The following IGSF21 variants were observed in gnomAD, a reference collection of about 807,000 sequenced individuals.
IGSF21 encodes immunoglobin superfamily member 21.
A neutral mutation model predicts 46.8 loss-of-function variants in IGSF21; 28 were observed. That is an observed-to-expected ratio of 0.60 (90% confidence interval 0.44 to 0.82). The LOEUF is 0.82. Ranked by LOEUF, IGSF21 falls within the 40% of genes least tolerant of loss-of-function variation. IGSF21 has a pLI of 0.00. For synonymous variants in IGSF21, 284 were observed against 273.6 expected (o/e 1.04, Z -0.38); for missense variants, 624 against 665.5 (o/e 0.94, Z 0.69).
chr1:18,360,399 C>G (rs1356981737), intron 4 of IGSF21, among the ~76,000 whole-genome samples: 2 of 152,192 alleles, frequency 1.3e-5, no homozygotes, highest in African/African-American at 4.8e-5. Flanking sequence ...TTTCATTTCA[C>G]TAGGCCTTGA....
At chr1:18,246,210 G>A (rs760771672) in intron 2 of IGSF21, among the ~76,000 whole-genome samples, 7 of 152,128 alleles carry the variant, frequency 4.6e-5, no homozygotes, top group Non-Finnish European at 1.5e-5. Flanking sequence ...GTCTGTGAAT[G>A]AGGCCCTCTT....
intron 1 of IGSF21, among the ~76,000 whole-genome samples, chr1:18,212,510 G>A (rs1285904421): frequency 6.6e-6 from 1 of 152,212 alleles, no homozygotes; most frequent in African/African-American, 2.4e-5. Context: ...TTTTTCCGAT[G>A]AGATAGATGA....
intron 8 of IGSF21, 45 bp downstream of exon 8, chr1:18,377,037 G>T (rs189132496): frequency 1.3e-6 from 2 of 1,544,076 alleles, no homozygotes. Context: ...CCACAGGGGC[G>T]GGTCCTGTCT....
At chr1:18,121,303 A>C (rs2086231600) in intron 1 of IGSF21, among the ~76,000 whole-genome samples, 1 of 152,192 alleles carries the variant, frequency 6.6e-6, no homozygotes, top group Non-Finnish European at 1.5e-5. Flanking sequence ...GCTGGAGCTC[A>C]GGGAGTAGCT....
chr1:18,279,411 G>C (rs1027498896), intron 2 of IGSF21, among the ~76,000 whole-genome samples: 13 of 152,228 alleles, frequency 8.5e-5, no homozygotes, highest in African/African-American at 3.1e-4. Flanking sequence ...AGGAAGCAAT[G>C]AGTAGGGCCT....
chr1:18,323,967 T>C (rs1370064747), intron 3 of IGSF21, among the ~76,000 whole-genome samples: 1 of 152,092 alleles, frequency 6.6e-6, no homozygotes. Context: ...GTAGTGGGGC[T>C]TTTCCGGAGG....
intron 4 of IGSF21, among the ~76,000 whole-genome samples, chr1:18,342,322 G>A (rs989479494): frequency 2.0e-5 from 3 of 152,104 alleles, no homozygotes; most frequent in African/African-American, 4.8e-5. Flanking sequence ...TTGAACTCCT[G>A]ACCTCAAGTG....
intron 2 of IGSF21, among the ~76,000 whole-genome samples, chr1:18,252,580 C>T (rs1476517099): frequency 1.3e-5 from 2 of 152,138 alleles, no homozygotes; most frequent in Non-Finnish European, 2.9e-5. Context: ...GATTTCTTCT[C>T]CCCCAGCAAG....
chr1:18,324,831 G>A (rs2085642149), intron 3 of IGSF21, among the ~76,000 whole-genome samples: 2 of 152,176 alleles, frequency 1.3e-5, no homozygotes, highest in South Asian at 4.1e-4. Flanking sequence ...GAAAACCCAG[G>A]GCTTGGCCAA....
intron 6 of IGSF21, among the ~76,000 whole-genome samples, chr1:18,370,187 C>T (rs893725615): frequency 2.0e-5 from 3 of 152,154 alleles, no homozygotes; most frequent in African/African-American, 4.8e-5. Context: ...TATCCTATTT[C>T]CCACCCCGAT....
chr1:18,357,846 T>G (rs570362680), intron 4 of IGSF21, among the ~76,000 whole-genome samples: 3 of 151,520 alleles, frequency 2.0e-5, no homozygotes, highest in Non-Finnish European at 4.4e-5. Context: ...ATGGGGAGGG[T>G]GTGGGAAGCC....
intron 1 of IGSF21, among the ~76,000 whole-genome samples, chr1:18,126,661 C>A (rs986257683): frequency 6.6e-6 from 1 of 152,176 alleles, no homozygotes; most frequent in Non-Finnish European, 1.5e-5. Flanking sequence ...TCTCCTCTGC[C>A]AGCCCAACTG....
chr1:18,244,152 T>G lies in IGSF21; in HGVS notation c.183+16142T>G, dbSNP rs531216856. Among the ~76,000 whole-genome samples, 6 of 152,336 alleles carry G rather than the reference T, an allele frequency of 3.9e-5. No homozygotes were observed. The East Asian group carries it at 9.6e-4, about 24-fold the overall frequency. ...CAGCATTCTGGAAGCGCTTTGCAAA[T>G]GTCGTTTCTCAGGATGGTGCTCTAC... On this transcript the variant is annotated intron_variant, in intron 2 of 9. Coordinates refer to ENST00000251296, the MANE Select transcript of IGSF21 (RefSeq NM_032880.5).
intron 2 of IGSF21, among the ~76,000 whole-genome samples, chr1:18,249,757 G>A (rs1443335895): frequency 1.3e-5 from 2 of 152,182 alleles, no homozygotes; most frequent in Non-Finnish European, 1.5e-5. Flanking sequence ...GCTAGGTTTT[G>A]CCTCCCTTTC....
intron 3 of IGSF21, among the ~76,000 whole-genome samples, chr1:18,293,381 A>G (rs1417275335): frequency 1.3e-5 from 2 of 152,328 alleles, no homozygotes; most frequent in East Asian, 1.9e-4. Flanking sequence ...TGACCCAGGC[A>G]TCCTCCTCTG....
At position 18,214,983 on chromosome 1, in the gene IGSF21, G is replaced by A. The variant is rs149437926; in HGVS notation, c.71-12915G>A. Among the ~76,000 whole-genome samples the A allele has an allele frequency of 4.3e-3, 658 of 152,192 alleles. 24 individuals carry two copies. The South Asian group carries it at 0.075, about 17-fold the overall frequency. Reference sequence around the variant, plus strand: ...TCTTGATCTCTTGACCTCGTGATCCGCCCTCCTCGGCCTCCCAAAGTGCCA... The same window carrying A: ...TCTTGATCTCTTGACCTCGTGATCCACCCTCCTCGGCCTCCCAAAGTGCCA... On this transcript the variant is annotated intron_variant, in intron 1 of 9. Coordinates refer to ENST00000251296, the MANE Select transcript of IGSF21 (RefSeq NM_032880.5).
At chr1:18,209,228 T>G (rs1198228686) in intron 1 of IGSF21, among the ~76,000 whole-genome samples, 1 of 152,216 alleles carries the variant, frequency 6.6e-6, no homozygotes, top group African/African-American at 2.4e-5. Flanking sequence ...ATTAGCACTA[T>G]ACAGCTATTA....
intron 1 of IGSF21, chr1:18,110,496 C>T (rs3806295): frequency 0.017 from 2,525 of 152,376 alleles, 26 homozygotes; most frequent in East Asian, 0.049. Context: ...GCAACCCGCG[C>T]CGGCCTTCAC....
intron 2 of IGSF21, among the ~76,000 whole-genome samples, chr1:18,255,477 C>A (rs1319742295): frequency 6.6e-6 from 1 of 152,284 alleles, no homozygotes; most frequent in East Asian, 1.9e-4. Flanking sequence ...AATCCCTTCT[C>A]CTGATTCTGC....
Sources: allele counts gnomAD v4.1 joint callset (sites outside exome capture counted in the v4.1 genomes callset), GRCh38; gene constraint gnomAD v4.1.1; transcripts MANE v1.5; gene names NCBI Gene and HGNC (gene_info 2026-07-23, HGNC 2026-07-21).